Variants in CDH23 observed in about 807,000 individuals in gnomAD.
CDH23 encodes cadherin-23.
In CDH23, 189 loss-of-function variants were observed where a neutral mutation model predicts 317.1. The ratio of observed to expected loss-of-function variants is 0.60; its 90% CI spans 0.53 to 0.67. The LOEUF (loss-of-function observed/expected upper bound fraction) is 0.67, where lower values mean the gene tolerates loss of function less well. Among genes scored for constraint, CDH23 ranks in the 30% least tolerant of loss-of-function variants. The probability of loss-of-function intolerance (pLI) is 0.00; values close to 1 mark genes in which losing one functional copy is unlikely to be tolerated. For missense variants in CDH23, 4,401 were observed against 4,592.4 expected (o/e 0.96, Z 1.20); for synonymous variants, 1,839 against 1,876.8 (o/e 0.98, Z 0.52).
At chr10:71,577,253 C>T (rs1422082067) in intron 8 of CDH23, among the ~76,000 whole-genome samples, 1 of 152,102 alleles carries the variant, frequency 6.6e-6, no homozygotes, top group Non-Finnish European at 1.5e-5. Context: ...AGTTCCAGCT[C>T]CTGCCCCTTC....
At chr10:71,742,201 G>A (rs1304619099) in intron 38 of CDH23, among the ~76,000 whole-genome samples, 1 of 152,212 alleles carries the variant, frequency 6.6e-6, no homozygotes, top group Non-Finnish European at 1.5e-5. Flanking sequence ...TCTATGGGGT[G>A]GTACAGGTTG....
chr10:71,808,049 C>G lies in CDH23; in HGVS notation c.8722+42C>G. ...CATGAGTGGCCTCTAGCCATGACCT[C>G]TCAGTCACTGCATGGACTGTCATCT... is the stretch of plus-strand genomic sequence containing the variant. On this transcript the variant is annotated intron_variant, in intron 60 of 69. Transcript: ENST00000224721. The G allele has an allele frequency of 1.9e-6, 3 of 1,556,842 alleles. No individual in the cohort carries two copies. In the South Asian group the frequency reaches 3.6e-5, roughly 18 times the overall value.
At chr10:71,596,825 A>G (rs1300726512) in intron 9 of CDH23, among the ~76,000 whole-genome samples, 1 of 152,096 alleles carries the variant, frequency 6.6e-6, no homozygotes, top group Non-Finnish European at 1.5e-5. Context: ...AGGAGGAGTG[A>G]AGTGCTGAAC....
intron 3 of CDH23, among the ~76,000 whole-genome samples, chr10:71,473,590 A>G (rs964234259): frequency 3.3e-5 from 5 of 152,054 alleles, no homozygotes; most frequent in African/African-American, 1.2e-4. Context: ...AAGTTCCTCA[A>G]CCTCTCTGAG....
At chr10:71,404,716 C>T (rs1182060859) in intron 1 of CDH23, among the ~76,000 whole-genome samples, 1 of 152,252 alleles carries the variant, frequency 6.6e-6, no homozygotes. Flanking sequence ...GGGCCTGGCC[C>T]TGCAATCAGC....
At chr10:71,805,440 G>T (rs1472505713) in intron 55 of CDH23, among the ~76,000 whole-genome samples, 1 of 152,208 alleles carries the variant, frequency 6.6e-6, no homozygotes, top group African/African-American at 2.4e-5. Flanking sequence ...ACGAAGGGTG[G>T]CTGTGGCCTC....
chr10:71,587,127 G>A (rs1374898015), intron 9 of CDH23, among the ~76,000 whole-genome samples: 4 of 152,200 alleles, frequency 2.6e-5, no homozygotes, highest in African/African-American at 4.8e-5. Flanking sequence ...AAGCTAAGAC[G>A]CAAAGAGCTC....
intron 11 of CDH23, among the ~76,000 whole-genome samples, chr10:71,625,799 AG>A (rs1308672339): frequency 6.6e-6 from 1 of 152,096 alleles, no homozygotes; most frequent in Admixed American, 6.6e-5. Context: ...CATCTGGGGA[AG>A]GGGGGCCACG....
chr10:71,676,369 G>A lies in CDH23; in HGVS notation c.1515-1087G>A, dbSNP rs1436248939. Among the ~76,000 whole-genome samples the A allele has an allele frequency of 4.0e-5, 6 of 151,546 alleles. No individual in the cohort carries two copies. The East Asian group carries it at 1.2e-3, about 30-fold the overall frequency. ...GAGCTGGATGCCATGGCTCATGCCT[G>A]TAATCTCAGCACTTTGGGAGGCTGA... On this transcript the variant is annotated intron_variant, in intron 15 of 69. Transcript: ENST00000224721.
At chr10:71,515,413 C>T (rs931264265) in intron 6 of CDH23, among the ~76,000 whole-genome samples, 18 of 151,696 alleles carry the variant, frequency 1.2e-4, no homozygotes, top group African/African-American at 3.9e-4. Context: ...CACACACACA[C>T]ACACACGCAC....
At position 71,712,760 on chromosome 10, in the gene CDH23, A is replaced by C. The variant is rs1401389112; in HGVS notation, c.3316A>C (p.Ser1106Arg). ...NDNRPIFLQSSYEASVPEDIP... is the reference protein window; with the variant it reads ...NDNRPIFLQSRYEASVPEDIP... ...CAACCGGCCCATCTTTCTGCAGAGC[A>C]GCTATGAGGCCAGCGTCCCTGAGGA... The change falls in exon 28 of 70, where the codon AGC becomes CGC. Residue 1106 changes from serine (S) to arginine (R), a missense_variant. By Grantham distance (110) the Ser-to-Arg change is moderately radical. Coordinates refer to ENST00000224721, the MANE Select transcript of CDH23 (RefSeq NM_022124.6). 1.9e-6 allele frequency: 3 copies of C among 1,613,534 alleles called. 1 individual carries two copies. In the South Asian group the frequency reaches 3.3e-5, roughly 18 times the overall value.
At chr10:71,709,465 T>G (rs1175813224) in intron 27 of CDH23, among the ~76,000 whole-genome samples, 2 of 151,996 alleles carry the variant, frequency 1.3e-5, no homozygotes, top group African/African-American at 2.4e-5. Flanking sequence ...TTACTGCAAA[T>G]CCAGGCAAGC....
At chr10:71,652,581 G>A (rs147576844) in intron 14 of CDH23, among the ~76,000 whole-genome samples, 23 of 152,338 alleles carry the variant, frequency 1.5e-4, no homozygotes, top group Non-Finnish European at 2.2e-4. Flanking sequence ...ACAAGACACC[G>A]GGCCTCAGTT....
intron 3 of CDH23, among the ~76,000 whole-genome samples, chr10:71,477,921 C>A (rs2132107010): frequency 6.6e-6 from 1 of 152,260 alleles, no homozygotes; most frequent in South Asian, 2.1e-4. Flanking sequence ...TATCACGTGC[C>A]CGGGCCAGAC....
chr10:71,779,562 C>A, intron 41 of CDH23, 115 bp downstream of exon 41: 2 of 771,990 alleles, frequency 2.6e-6, no homozygotes, highest in Non-Finnish European at 4.0e-6. Context: ...ATTTTGTCCT[C>A]TCTGGGCCTC....
chr10:71,790,780 G>A (rs999154532), intron 46 of CDH23: 26 of 461,060 alleles, frequency 5.6e-5, no homozygotes, highest in African/African-American at 2.3e-4. Flanking sequence ...TGCCACATCC[G>A]TCTGGTCCTG....
At chr10:71,668,266 G>C (rs1183898348) in intron 14 of CDH23, among the ~76,000 whole-genome samples, 2 of 152,164 alleles carry the variant, frequency 1.3e-5, no homozygotes, top group Non-Finnish European at 2.9e-5. Flanking sequence ...GCAGAACGTA[G>C]GGAGCAGAAG....
intron 52 of CDH23, 134 bp from the exon 53 acceptor site, chr10:71,800,502 C>G: frequency 9.1e-7 from 1 of 1,102,556 alleles, no homozygotes; most frequent in Non-Finnish European, 1.3e-6. Context: ...TGGGAGCTTG[C>G]TGGGGGCAGA....
intron 11 of CDH23, among the ~76,000 whole-genome samples, chr10:71,630,721 G>A (rs867001525): frequency 5.2e-4 from 79 of 152,178 alleles, no homozygotes; most frequent in African/African-American, 1.7e-3. Context: ...GATACCTAGC[G>A]AGCAGCTCCA....
Sources: allele counts gnomAD v4.1 joint callset (sites outside exome capture counted in the v4.1 genomes callset), GRCh38; gene constraint gnomAD v4.1.1; transcripts MANE v1.5; gene names NCBI Gene and HGNC (gene_info 2026-07-23, HGNC 2026-07-21).